The following AMZ2 variants were observed in gnomAD, a reference collection of about 807,000 sequenced individuals.
AMZ2 encodes the protein archaelysin family metallopeptidase 2.
Under a neutral mutation model 36.7 loss-of-function variants are expected in AMZ2, and 26 were observed. The ratio of observed to expected loss-of-function variants is 0.71; its 90% CI spans 0.52 to 0.98. The LOEUF (loss-of-function observed/expected upper bound fraction) is 0.98, where lower values mean the gene tolerates loss of function less well. Among genes scored for constraint, AMZ2 ranks in the 50% least tolerant of loss-of-function variants. AMZ2 has a pLI of 0.00. For synonymous variants in AMZ2, 144 were observed against 149.1 expected, an observed-to-expected ratio of 0.97 and a Z score of 0.25; for missense variants, 394 against 430.5, an observed-to-expected ratio of 0.92 and a Z score of 0.75.
At position 68,254,410 on chromosome 17, in the gene AMZ2, G is replaced by T; in HGVS notation, c.593G>T (p.Gly198Val). 4 of 1,611,366 alleles carry T rather than the reference G, an allele frequency of 2.5e-6. No individual in the cohort carries two copies. The highest frequency in any genetic ancestry group is 1.7e-6 in the Non-Finnish European group (2 of 1,179,542). Residue 198 changes from glycine (G) to valine (V), a missense_variant, in exon 5 of 7, where the codon GGG becomes GTG. Coordinates refer to ENST00000359904, the MANE Select transcript of AMZ2 (RefSeq NM_016627.5). ...FGQASLTDGVGIFSFARYGSD... is the reference protein window; with the variant it reads ...FGQASLTDGVVIFSFARYGSD... Reference sequence around the variant, plus strand: ...GTTTGTCCTTTTTTTGTAGGTGTGGGGATATTCAGCTTTGCCAGGTATGGC... The same window carrying T: ...GTTTGTCCTTTTTTTGTAGGTGTGGTGATATTCAGCTTTGCCAGGTATGGC...
At chr17:68,209,728 C>G (rs2072983863) in intron 1 of AMZ2, among the ~76,000 whole-genome samples, 1 of 149,190 alleles carries the variant, frequency 6.7e-6, no homozygotes, top group South Asian at 2.1e-4. Flanking sequence ...TCAAGTGATT[C>G]TCCTGTTTCA....
At chr17:68,206,268 C>T in intron 1 of AMZ2, 1 of 1,295,426 alleles carries the variant, frequency 7.7e-7, no homozygotes, top group Middle Eastern at 3.1e-4. Flanking sequence ...GCTGCAGACT[C>T]CTTCCCCACC....
chr17:68,230,156 T>C (rs2073623878), intron 1 of AMZ2, among the ~76,000 whole-genome samples: 1 of 152,144 alleles, frequency 6.6e-6, no homozygotes, highest in Non-Finnish European at 1.5e-5. Flanking sequence ...CACTGCAACC[T>C]CCACCTCCCA....
chr17:68,213,177 T>G (rs1255700060), intron 1 of AMZ2, among the ~76,000 whole-genome samples: 1 of 152,210 alleles, frequency 6.6e-6, no homozygotes, highest in Admixed American at 6.5e-5. Flanking sequence ...AAAAAATGAT[T>G]GCGGCTGCAA....
chr17:68,252,376 T>G (rs1555740322), intron 4 of AMZ2, among the ~76,000 whole-genome samples: 1 of 152,254 alleles, frequency 6.6e-6, no homozygotes, highest in Non-Finnish European at 1.5e-5. Flanking sequence ...CCTACCAGCA[T>G]GCACTCTTGG....
At position 68,250,250 on chromosome 17, in the gene AMZ2, G is replaced by A; in HGVS notation, c.63G>A (p.Val21=). 6.2e-7 allele frequency: 1 copy of A among 1,614,166 alleles called. No individual in the cohort carries two copies. The highest frequency in any genetic ancestry group is 8.5e-7 in the Non-Finnish European group (1 of 1,180,036). ...LKTALISKNP[V]LVSQYEKLNA... is the part of the protein sequence containing the mutation. ...CAGCTCTCATCTCAAAGAACCCAGT[G>A]CTTGTATCACAGTATGAGAAATTAA... The change falls in exon 2 of 7, where the codon GTG becomes GTA. Residue 21 remains valine (V), a synonymous_variant. Transcript: ENST00000359904.
intron 1 of AMZ2, among the ~76,000 whole-genome samples, chr17:68,237,466 T>C (rs2144629025): frequency 6.6e-6 from 1 of 152,332 alleles, no homozygotes; most frequent in East Asian, 1.9e-4. Flanking sequence ...CTGACGACGC[T>C]CTCTTTTCAG....
chr17:68,208,579 T>C (rs1311399424), intron 1 of AMZ2, among the ~76,000 whole-genome samples: 2 of 152,134 alleles, frequency 1.3e-5, no homozygotes, highest in African/African-American at 4.8e-5. Context: ...CTGATAAGAA[T>C]AAAAGCAGGC....
chr17:68,255,339 G>T (rs1389270115), intron 5 of AMZ2, among the ~76,000 whole-genome samples: 2 of 152,134 alleles, frequency 1.3e-5, no homozygotes, highest in African/African-American at 4.8e-5. Context: ...GGGAATATTA[G>T]CAACGTCTGG....
In AMZ2 at chr17:68,233,871, G is replaced by A. The variant is rs1237105194; in HGVS notation, c.-66-14769G>A. On this transcript the variant is annotated intron_variant, in intron 1 of 7. Transcript: ENST00000674770. ...TGAGTAGCTAGGACCACAGGTGCAC[G>A]CCACCACACCTGCTTAAGCTGATCC... Among the ~76,000 whole-genome samples the A allele has an allele frequency of 4.1e-4, 63 of 151,958 alleles. 1 individual carries two copies. Among genetic ancestry groups the A allele is most frequent in the African/African-American group, 1.4e-3 (60 of 41,434 alleles).
At chr17:68,221,222 C>A (rs188498995) in intron 1 of AMZ2, among the ~76,000 whole-genome samples, 7,565 of 85,376 alleles carry the variant, frequency 0.089, 1,063 homozygotes, top group African/African-American at 0.22. Flanking sequence ...CCCCCCCGCC[C>A]CCCCGGTAGC....
chr17:68,253,232 A>C (rs1263943939), intron 4 of AMZ2, among the ~76,000 whole-genome samples: 1 of 152,208 alleles, frequency 6.6e-6, no homozygotes. Context: ...CCAGAATGCT[A>C]TCTTTGCTTA....
intron 1 of AMZ2, among the ~76,000 whole-genome samples, chr17:68,218,754 T>C (rs2073267585): frequency 6.6e-6 from 1 of 152,206 alleles, no homozygotes. Context: ...CATTACCTAC[T>C]CTTCATCTAG....
chr17:68,238,498 G>T (rs1290453046), intron 1 of AMZ2, among the ~76,000 whole-genome samples: 1 of 151,950 alleles, frequency 6.6e-6, no homozygotes, highest in Non-Finnish European at 1.5e-5. Context: ...ATCTGCTTTT[G>T]CTCAATTCTT....
upstream of AMZ2, chr17:68,246,516 G>A (rs1289256187): frequency 6.6e-6 from 1 of 152,194 alleles, no homozygotes; most frequent in Non-Finnish European, 1.5e-5. Context: ...CAGGCTGTCG[G>A]GAGATAGGCG....
At chr17:68,223,383 C>T (rs1386519615) in intron 1 of AMZ2, among the ~76,000 whole-genome samples, 6 of 152,116 alleles carry the variant, frequency 3.9e-5, no homozygotes, top group East Asian at 3.9e-4. Flanking sequence ...TGAAGCCCTG[C>T]GGGGCAGCGC....
chr17:68,254,378 T>A, intron 4 of AMZ2, 26 bp from the exon 5 acceptor site: 1 of 1,595,780 alleles, frequency 6.3e-7, no homozygotes, highest in South Asian at 1.1e-5. Context: ...ACTCTCATTC[T>A]GTCACTGTTT....
chr17:68,215,666 G>A lies in AMZ2; in HGVS notation c.-67+9428G>A, dbSNP rs145405523. On this transcript the variant is annotated intron_variant, in intron 1 of 7. Coordinates refer to the AMZ2 transcript ENST00000674770. ...TCTGTATAGACATTCAGCAGTTATA[G>A]CAGGTCACATTCACGCAATCTCAAG... 3.9e-3 allele frequency among the ~76,000 whole-genome samples: 534 copies of A among 136,432 alleles called. 71 individuals are homozygous for A. Among genetic ancestry groups the A allele is most frequent in the African/African-American group, 0.014 (506 of 36,568 alleles). The allele number at this position is 136,432 out of a possible 152,430, so 89.5% of individuals were successfully genotyped here.
chr17:68,238,586 T>TACACACACACAC (rs10528850), intron 1 of AMZ2, among the ~76,000 whole-genome samples: 2,463 of 150,994 alleles, frequency 0.016, 66 homozygotes, highest in African/African-American at 0.058. Flanking sequence ...CACACATATG[T>TACACACACACAC]ACACACACAC....
Sources: gnomAD v4.1 joint callset for allele counts (sites outside exome capture counted in the v4.1 genomes callset) on GRCh38, gnomAD v4.1.1 for gene constraint, MANE v1.5 for transcripts, NCBI Gene and HGNC (gene_info 2026-07-23, HGNC 2026-07-21) for gene names.